The following AFF3 variants were observed in gnomAD, a reference collection of about 807,000 sequenced individuals.
AFF3 encodes ALF transcription elongation factor 3.
Under a neutral mutation model 129.7 loss-of-function variants are expected in AFF3, and 32 were observed. The observed-to-expected ratio is 0.25, with a 90% confidence interval of 0.19 to 0.33. AFF3 has a LOEUF of 0.33. Among genes scored for constraint, AFF3 ranks in the 10% least tolerant of loss-of-function variants. The probability of loss-of-function intolerance (pLI) is 1.00; values close to 1 mark genes in which losing one functional copy is unlikely to be tolerated. For synonymous variants in AFF3, 644 were observed against 635.4 expected (o/e 1.01, Z -0.20); for missense variants, 1,373 against 1,592.0 (o/e 0.86, Z 2.34).
intron 11 of AFF3, among the ~76,000 whole-genome samples, chr2:99,702,151 T>C (rs1008370355): frequency 4.6e-5 from 7 of 152,198 alleles, no homozygotes; most frequent in Non-Finnish European, 1.0e-4. Flanking sequence ...GTGCAACCGC[T>C]GGGTCCATTT....
intron 7 of AFF3, among the ~76,000 whole-genome samples, chr2:99,946,506 A>T (rs1039991505): frequency 5.7e-5 from 7 of 122,544 alleles, no homozygotes; most frequent in Admixed American, 1.7e-4. Flanking sequence ...AAAAAAAAAA[A>T]AGATGGGGAT....
chr2:100,024,224 T>G (rs1265661107), intron 4 of AFF3, among the ~76,000 whole-genome samples: 41 of 71,494 alleles, frequency 5.7e-4, no homozygotes, highest in South Asian at 5.0e-3. Flanking sequence ...AGAGCAAGAC[T>G]CCGTCTCAAA....
intron 11 of AFF3, among the ~76,000 whole-genome samples, chr2:99,717,967 G>A (rs934604525): frequency 1.3e-5 from 2 of 152,138 alleles, no homozygotes; most frequent in Non-Finnish European, 2.9e-5. Flanking sequence ...GTGTCTCTGA[G>A]GAAAATCAAA....
chr2:99,836,873 G>A (rs1688918255), intron 8 of AFF3, among the ~76,000 whole-genome samples: 1 of 152,080 alleles, frequency 6.6e-6, no homozygotes, highest in Non-Finnish European at 1.5e-5. Context: ...CTGATTATAT[G>A]TCTGAATATT....
chr2:99,877,497 A>T (rs1490110526), intron 7 of AFF3, among the ~76,000 whole-genome samples: 1 of 152,144 alleles, frequency 6.6e-6, no homozygotes, highest in Non-Finnish European at 1.5e-5. Flanking sequence ...TGGGTGGTGA[A>T]AGCCATTACA....
intron 21 of AFF3, among the ~76,000 whole-genome samples, chr2:99,559,702 C>T (rs533036880): frequency 9.2e-5 from 14 of 152,350 alleles, no homozygotes; most frequent in African/African-American, 3.4e-4. Context: ...CTGATGCTGA[C>T]ATCCAGAATA....
intron 11 of AFF3, among the ~76,000 whole-genome samples, chr2:99,683,392 C>A (rs1027584356): frequency 6.6e-6 from 1 of 152,104 alleles, no homozygotes; most frequent in Non-Finnish European, 1.5e-5. Context: ...ATTTTATTAC[C>A]CATTCCATCT....
At chr2:99,864,428 T>G (rs774273294) in intron 7 of AFF3, among the ~76,000 whole-genome samples, 2 of 152,174 alleles carry the variant, frequency 1.3e-5, no homozygotes, top group Non-Finnish European at 2.9e-5. Context: ...CCAGGGTGGC[T>G]CTCTTGTGTT....
intron 7 of AFF3, among the ~76,000 whole-genome samples, chr2:99,989,679 G>T (rs1680166688): frequency 6.6e-6 from 1 of 152,040 alleles, no homozygotes. Context: ...CGTGAATCAT[G>T]GGCTCAGGTT....
intron 18 of AFF3, among the ~76,000 whole-genome samples, chr2:99,575,434 T>C (rs758822673): frequency 7.6e-5 from 11 of 145,006 alleles, no homozygotes; most frequent in Non-Finnish European, 1.5e-4. Flanking sequence ...TTTTTTTTTG[T>C]ATTTTTAGTA....
intron 11 of AFF3, chr2:99,707,487 AGTTTCAAACGC>A: frequency 1.0e-6 from 1 of 985,424 alleles, no homozygotes; most frequent in Non-Finnish European, 1.2e-6. Context: ...TTATCCACGA[AGTTTCAAACGC>A]GTCTTAGTAA....
intron 10 of AFF3, among the ~76,000 whole-genome samples, chr2:99,728,852 C>A (rs957881803): frequency 6.6e-6 from 1 of 152,152 alleles, no homozygotes; most frequent in Non-Finnish European, 1.5e-5. Flanking sequence ...CTTTTGTCTT[C>A]CAGGCAAGGT....
intron 13 of AFF3, among the ~76,000 whole-genome samples, chr2:99,642,585 C>T (rs75120755): frequency 0.067 from 10,194 of 152,260 alleles, 428 homozygotes; most frequent in East Asian, 0.12. Context: ...AAATGACTTA[C>T]GGTGTCTGCT....
At chr2:99,692,221 C>T (rs1415099911) in intron 11 of AFF3, among the ~76,000 whole-genome samples, 1 of 152,206 alleles carries the variant, frequency 6.6e-6, no homozygotes. Flanking sequence ...CTTAACTCTT[C>T]CTCCTGCAAG....
intron 7 of AFF3, among the ~76,000 whole-genome samples, chr2:99,932,539 C>T (rs1442358717): frequency 1.3e-5 from 2 of 152,198 alleles, no homozygotes; most frequent in African/African-American, 2.4e-5. Context: ...TCGACCACTT[C>T]CCCACAGCAA....
At chr2:100,074,796 G>A (rs907382116) in intron 4 of AFF3, among the ~76,000 whole-genome samples, 17 of 152,152 alleles carry the variant, frequency 1.1e-4, no homozygotes, top group African/African-American at 3.9e-4. Context: ...AGCCCCAGCC[G>A]AGGGCTTATT....
intron 8 of AFF3, among the ~76,000 whole-genome samples, chr2:99,760,328 T>A (rs997902112): frequency 6.6e-6 from 1 of 152,220 alleles, no homozygotes; most frequent in African/African-American, 2.4e-5. Context: ...TTATTATTAT[T>A]CCTAAGTATG....
intron 7 of AFF3, among the ~76,000 whole-genome samples, chr2:99,879,410 G>A (rs952631159): frequency 2.0e-5 from 3 of 152,100 alleles, no homozygotes; most frequent in African/African-American, 2.4e-5. Flanking sequence ...CTCCATAAAC[G>A]TGTATAACAA....
At chr2:99,974,935 G>C (rs1678731021) in intron 7 of AFF3, among the ~76,000 whole-genome samples, 1 of 152,198 alleles carries the variant, frequency 6.6e-6, no homozygotes, top group Admixed American at 6.5e-5. Flanking sequence ...ATGGTGAAAG[G>C]AAGAAAACAT....
Sources: allele counts gnomAD v4.1 joint callset (sites outside exome capture counted in the v4.1 genomes callset), GRCh38; gene constraint gnomAD v4.1.1; transcripts MANE v1.5; gene names NCBI Gene and HGNC (gene_info 2026-07-23, HGNC 2026-07-21).